The following ZNF670 variants were observed in gnomAD, a reference collection of about 807,000 sequenced individuals.
The protein encoded by ZNF670 is zinc finger protein 670.
ZNF670 carries 7 observed loss-of-function variants against 10.9 expected under a neutral mutation model. The observed-to-expected ratio is 0.64, with a 90% confidence interval of 0.36 to 1.20. ZNF670 has a LOEUF of 1.20. Ranked by LOEUF, ZNF670 falls within the 50% of genes most tolerant of loss-of-function variation. The pLI, the probability that ZNF670 is intolerant of heterozygous loss-of-function variation, is 0.02. For synonymous variants in ZNF670, 136 were observed against 152.7 expected, an observed-to-expected ratio of 0.89 and a Z score of 0.81; for missense variants, 446 against 458.6, an observed-to-expected ratio of 0.97 and a Z score of 0.25.
intron 1 of ZNF670, among the ~76,000 whole-genome samples, chr1:247,058,175 A>C (rs1026982005): frequency 7.2e-5 from 11 of 152,222 alleles, no homozygotes; most frequent in Non-Finnish European, 1.0e-4. Flanking sequence ...GAACATATAA[A>C]ATATGCCCTA....
intron 1 of ZNF670, among the ~76,000 whole-genome samples, chr1:247,077,100 T>C (rs1671272297): frequency 6.6e-6 from 1 of 152,256 alleles, no homozygotes; most frequent in Non-Finnish European, 1.5e-5. Context: ...GAATCATTTC[T>C]AGATTTTTCC....
chr1:247,045,998 A>C (rs1019282633), intron 1 of ZNF670, among the ~76,000 whole-genome samples: 6 of 152,186 alleles, frequency 3.9e-5, no homozygotes, highest in African/African-American at 1.4e-4. Flanking sequence ...TAGGAGGTTT[A>C]ATTTAGGAGT....
intron 1 of ZNF670, among the ~76,000 whole-genome samples, chr1:247,061,222 C>T (rs145719080): frequency 0.03 from 4,366 of 146,932 alleles, 241 homozygotes; most frequent in African/African-American, 0.11. Context: ...CGCTCTGTTG[C>T]CCAGGCTGGA....
intron 1 of ZNF670, among the ~76,000 whole-genome samples, chr1:247,069,169 A>C (rs1572572034): frequency 6.6e-6 from 1 of 151,182 alleles, no homozygotes; most frequent in South Asian, 2.1e-4. Context: ...GTACATTTTA[A>C]CGTAACTTAA....
intron 3 of ZNF670, 150 bp downstream of exon 3, chr1:247,038,660 A>T (rs1465058310): frequency 1.4e-6 from 1 of 711,048 alleles, no homozygotes; most frequent in Non-Finnish European, 2.3e-6. Context: ...AATATTGAAC[A>T]TCAATGTTAC....
chr1:247,041,613 T>A (rs530180154), intron 1 of ZNF670, among the ~76,000 whole-genome samples: 5 of 152,024 alleles, frequency 3.3e-5, no homozygotes, highest in Admixed American at 6.6e-5. Context: ...TACCACAATG[T>A]GTAGCCCATT....
intron 1 of ZNF670, among the ~76,000 whole-genome samples, chr1:247,055,736 T>C (rs1379270211): frequency 6.6e-6 from 1 of 151,962 alleles, no homozygotes; most frequent in Non-Finnish European, 1.5e-5. Flanking sequence ...CTTCAATGAA[T>C]ATAAAAAAAC....
rs977808015 is a variant in ZNF670, at chr1:247,034,927, A to G, written c.*2522T>C. 6.6e-6 allele frequency among the ~76,000 whole-genome samples: 1 copy of G among 152,284 alleles called. No homozygotes were observed. Among genetic ancestry groups the G allele is most frequent in the Admixed American group, 6.5e-5 (1 of 15,296 alleles). ...GGGTACCTTGGAAACTGCCTGCCAA[A>G]CACAGGTCAAGGTGGAACATACATC... On this transcript the variant is annotated 3_prime_UTR_variant, in exon 4 of 4. Transcript: ENST00000366503.
intron 1 of ZNF670, among the ~76,000 whole-genome samples, chr1:247,061,950 C>T (rs549845684): frequency 6.6e-6 from 1 of 152,272 alleles, no homozygotes; most frequent in Non-Finnish European, 1.5e-5. Context: ...GGAAAAGAGG[C>T]ATTTTCTATC....
intron 1 of ZNF670, among the ~76,000 whole-genome samples, chr1:247,058,855 G>A (rs535467507): frequency 5.3e-5 from 8 of 152,136 alleles, no homozygotes; most frequent in South Asian, 4.2e-4. Context: ...AGGTCTATAC[G>A]TATTTTTAAA....
Position 247,037,744 on chromosome 1 carries a change from C to T in ZNF670, c.875G>A (p.Cys292Tyr). 1.2e-6 allele frequency: 2 copies of T among 1,613,940 alleles called. No individual in the cohort carries two copies. The highest frequency in any genetic ancestry group is 1.7e-6 in the Non-Finnish European group (2 of 1,179,918). ...ECIKCGKAFR[C>Y]SRVLRVHERT... is the part of the protein sequence containing the mutation. Reference sequence around the variant, plus strand: ...TTCATGGACTCTGAGGACTCTGGAACATCTAAAGGCTTTGCCACATTTTAT... The same window carrying T: ...TTCATGGACTCTGAGGACTCTGGAATATCTAAAGGCTTTGCCACATTTTAT... Residue 292 changes from cysteine (C) to tyrosine (Y), a missense_variant, in exon 4 of 4, where the codon TGT (cysteine) becomes TAT (tyrosine). Physicochemically the swap from Cys to Tyr is radical, Grantham distance 194. Coordinates refer to ENST00000366503, the MANE Select transcript of ZNF670 (RefSeq NM_033213.5).
Position 247,050,725 on chromosome 1 carries a change from C to T in ZNF670, c.4-11188G>A, listed in dbSNP as rs1018357564. Among the ~76,000 whole-genome samples the T allele has an allele frequency of 5.9e-5, 9 of 152,088 alleles. No individual in the cohort carries two copies. In the East Asian group the frequency reaches 9.8e-4, roughly 17 times the overall value. ...TCCTGACCTCGTGATCTGCCCGCTT[C>T]GGCCTCCCAAAGTGTTGGGATTACA... On this transcript the variant is annotated intron_variant, in intron 1 of 3. Coordinates refer to ENST00000366503, the MANE Select transcript of ZNF670 (RefSeq NM_033213.5).
At chr1:247,070,330 G>C (rs1403193592) in intron 1 of ZNF670, among the ~76,000 whole-genome samples, 1 of 152,052 alleles carries the variant, frequency 6.6e-6, no homozygotes, top group African/African-American at 2.4e-5. Context: ...AACTAGCCAG[G>C]CGTGGTGGCA....
At chr1:247,074,484 C>G (rs563683796) in intron 1 of ZNF670, among the ~76,000 whole-genome samples, 2 of 152,172 alleles carry the variant, frequency 1.3e-5, no homozygotes, top group African/African-American at 4.8e-5. Flanking sequence ...CTGTTATACC[C>G]AGTGTTTTTC....
rs1025411842 is a variant in ZNF670, at chr1:247,039,449, T to C, written c.92A>G (p.Asp31Gly). Reference sequence around the variant, plus strand: ...GTTCCTGAAGATTTCTTGCATCACATCTCTGTAGAGATTCTTTTGAGAAGG... The same window carrying C: ...GTTCCTGAAGATTTCTTGCATCACACCTCTGTAGAGATTCTTTTGAGAAGG... ...LDPSQKNLYR[D>G]VMQEIFRNLA... Residue 31 changes from aspartate (D) to glycine (G), a missense_variant, in exon 2 of 4, where the codon GAT (aspartate) becomes GGT (glycine). Coordinates refer to ENST00000366503, the MANE Select transcript of ZNF670 (RefSeq NM_033213.5). 6.2e-7 allele frequency: 1 copy of C among 1,607,642 alleles called. No homozygotes were observed. Among genetic ancestry groups the C allele is most frequent in the African/African-American group, 1.3e-5 (1 of 74,304 alleles).
At chr1:247,040,183 T>G (rs952970559) in intron 1 of ZNF670, among the ~76,000 whole-genome samples, 1 of 152,216 alleles carries the variant, frequency 6.6e-6, no homozygotes, top group Non-Finnish European at 1.5e-5. Flanking sequence ...ATTTCTCATA[T>G]GCTGTTACAA....
chr1:247,042,583 A>T (rs1670341113), intron 1 of ZNF670, among the ~76,000 whole-genome samples: 1 of 152,202 alleles, frequency 6.6e-6, no homozygotes, highest in Non-Finnish European at 1.5e-5. Flanking sequence ...ACATGGTTTC[A>T]ATCTGCTGCC....
At chr1:247,043,755 T>C in intron 1 of ZNF670, 1 of 389,828 alleles carries the variant, frequency 2.6e-6, no homozygotes, top group Non-Finnish European at 5.0e-6. Context: ...CTAAAACAGG[T>C]CGCATTTCTG....
chr1:247,061,821 A>C (rs1670866582), intron 1 of ZNF670, among the ~76,000 whole-genome samples: 1 of 152,196 alleles, frequency 6.6e-6, no homozygotes, highest in African/African-American at 2.4e-5. Context: ...ATCCCCCCAG[A>C]ATTCCTATGT....
Sources: gnomAD v4.1 joint callset for allele counts (sites outside exome capture counted in the v4.1 genomes callset) on GRCh38, gnomAD v4.1.1 for gene constraint, MANE v1.5 for transcripts, NCBI Gene and HGNC (gene_info 2026-07-23, HGNC 2026-07-21) for gene names.